The following SYNE1 variants were observed in gnomAD, a reference collection of about 807,000 sequenced individuals.
SYNE1 encodes spectrin repeat containing nuclear envelope protein 1.
Under a neutral mutation model 1,111.0 loss-of-function variants are expected in SYNE1, and 616 were observed. That is an observed-to-expected ratio of 0.55 (90% CI 0.52 to 0.59). The LOEUF (loss-of-function observed/expected upper bound fraction) is 0.59, where lower values mean the gene tolerates loss of function less well. SYNE1 is among the 20% of genes least tolerant of loss of function. The pLI, the probability that SYNE1 is intolerant of heterozygous loss-of-function variation, is 0.00. For synonymous variants in SYNE1, 3,855 were observed against 3,825.8 expected (o/e 1.01, Z -0.28); for missense variants, 10,006 against 10,417.0 (o/e 0.96, Z 1.72).
At chr6:152,168,215 C>T (rs953943355) in intron 130 of SYNE1, 8 of 759,424 alleles carry the variant, frequency 1.1e-5, no homozygotes, top group Non-Finnish European at 1.9e-5. Flanking sequence ...GAAGCTTCCA[C>T]TTGCAAAAGT....
chr6:152,550,151 T>G (rs2099333353), intron 3 of SYNE1, among the ~76,000 whole-genome samples: 1 of 152,196 alleles, frequency 6.6e-6, no homozygotes, highest in South Asian at 2.1e-4. Flanking sequence ...ATAGTAAATC[T>G]AAGACTTTTG....
chr6:152,362,944 G>T (rs771164987), intron 63 of SYNE1, among the ~76,000 whole-genome samples: 2 of 151,298 alleles, frequency 1.3e-5, no homozygotes, highest in Middle Eastern at 3.4e-3. Context: ...GCAGTGGCGC[G>T]ATCTCGGCTC....
At chr6:152,609,669 C>CA (rs2099625778) in intron 3 of SYNE1, among the ~76,000 whole-genome samples, 1 of 152,130 alleles carries the variant, frequency 6.6e-6, no homozygotes, top group Non-Finnish European at 1.5e-5. Flanking sequence ...ACTGTCTCCT[C>CA]AAGTGGGTCC....
At chr6:152,347,013 C>T in intron 73 of SYNE1, 46 bp downstream of exon 73, 1 of 1,609,382 alleles carries the variant, frequency 6.2e-7, no homozygotes, top group South Asian at 1.1e-5. Flanking sequence ...TGCACAGCCT[C>T]TCCCCATAAT....
chr6:152,370,756 G>A (rs2097165907), intron 59 of SYNE1, among the ~76,000 whole-genome samples: 6 of 152,168 alleles, frequency 3.9e-5, no homozygotes, highest in Admixed American at 3.9e-4. Context: ...AGTACATAAA[G>A]GTTAGCTGAA....
chr6:152,309,384 C>T (rs1358723523), intron 90 of SYNE1, among the ~76,000 whole-genome samples: 1 of 152,052 alleles, frequency 6.6e-6, no homozygotes, highest in Non-Finnish European at 1.5e-5. Context: ...TTTTCTCTTA[C>T]TAGGCAAAGA....
chr6:152,570,609 T>A (rs1260363421), intron 3 of SYNE1, among the ~76,000 whole-genome samples: 1 of 152,198 alleles, frequency 6.6e-6, no homozygotes, highest in Non-Finnish European at 1.5e-5. Flanking sequence ...GTTATTTTAG[T>A]CCTTCATCCC....
At chr6:152,559,394 G>C (rs1445549950) in intron 3 of SYNE1, among the ~76,000 whole-genome samples, 1 of 152,104 alleles carries the variant, frequency 6.6e-6, no homozygotes, top group Admixed American at 6.6e-5. Context: ...AGCTATTGCT[G>C]TCTGGCCTCT....
chr6:152,519,776 G>A (rs1268840771), intron 6 of SYNE1, among the ~76,000 whole-genome samples: 1 of 152,070 alleles, frequency 6.6e-6, no homozygotes, highest in African/African-American at 2.4e-5. Context: ...ACTATAAAGG[G>A]AAAAACAGTG....
intron 39 of SYNE1, among the ~76,000 whole-genome samples, chr6:152,421,139 G>A (rs2098252919): frequency 6.6e-6 from 1 of 152,136 alleles, no homozygotes; most frequent in Non-Finnish European, 1.5e-5. Context: ...TCTATGTGAT[G>A]CCTTTATAAA....
At chr6:152,402,637 G>C (rs2097839589) in intron 46 of SYNE1, 1 of 152,170 alleles carries the variant, frequency 6.6e-6, no homozygotes, top group Non-Finnish European at 1.5e-5. Flanking sequence ...CTGTTCTTCA[G>C]GTGGCACTGC....
chr6:152,343,588 G>C, intron 74 of SYNE1, among the ~76,000 whole-genome samples: 1 of 151,102 alleles, frequency 6.6e-6, no homozygotes, highest in East Asian at 2.0e-4. Context: ...GAGTGCAGTG[G>C]CATGATCTCG....
chr6:152,627,143 G>A (rs2099687330), intron 3 of SYNE1, among the ~76,000 whole-genome samples: 1 of 152,034 alleles, frequency 6.6e-6, no homozygotes, highest in South Asian at 2.1e-4. Flanking sequence ...TTGAAGGCTG[G>A]GCTTATGACA....
chr6:152,315,976 T>G (rs1458504100), intron 87 of SYNE1: 1 of 152,136 alleles, frequency 6.6e-6, no homozygotes, highest in Non-Finnish European at 1.5e-5. Context: ...ATAAATAATA[T>G]AAGAGACAAA....
rs1295747846 is a variant in SYNE1, at chr6:152,219,155, C to A, written c.21892G>T (p.Asp7298Tyr). 2 of 1,614,036 alleles carry A rather than the reference C, an allele frequency of 1.2e-6. No individual in the cohort carries two copies. Among genetic ancestry groups the A allele is most frequent in the East Asian group, 2.2e-5 (1 of 44,874 alleles). ...AGCTCATGGAGAAAAAAGAGGGAATCTTTAACTGTGCCCAGTCCTTTGAGG... is the reference window on the plus strand; with the variant it reads ...AGCTCATGGAGAAAAAAGAGGGAATATTTAACTGTGCCCAGTCCTTTGAGG... ...DLLKGLGTVK[D>Y]SLFFLHELGE... is the part of the protein sequence containing the mutation. Residue 7298 changes from aspartate to tyrosine, a missense_variant, in exon 120 of 146, where the codon GAT becomes TAT. Asp to Tyr is a radical substitution (Grantham distance 160). Coordinates refer to ENST00000367255, the MANE Select transcript of SYNE1 (RefSeq NM_182961.4).
chr6:152,303,931 T>G (rs1198081123), intron 91 of SYNE1, among the ~76,000 whole-genome samples: 2 of 151,606 alleles, frequency 1.3e-5, no homozygotes, highest in African/African-American at 4.9e-5. Flanking sequence ...ACACACATTT[T>G]GTTATTATTG....
intron 2 of SYNE1, among the ~76,000 whole-genome samples, chr6:152,635,369 T>C (rs1209400404): frequency 6.6e-6 from 1 of 152,216 alleles, no homozygotes; most frequent in African/African-American, 2.4e-5. Context: ...ATTAAGTTAG[T>C]ATAGATCTCT....
chr6:152,301,423 GTTC>G (rs2095161903), intron 92 of SYNE1, among the ~76,000 whole-genome samples: 2 of 152,170 alleles, frequency 1.3e-5, no homozygotes, highest in Admixed American at 6.5e-5. Context: ...AACAATAGCT[GTTC>G]TTCTAAATTG....
intron 51 of SYNE1, among the ~76,000 whole-genome samples, chr6:152,394,701 G>A (rs2097702908): frequency 6.6e-6 from 1 of 152,014 alleles, no homozygotes; most frequent in Admixed American, 6.6e-5. Context: ...TACAAGGATG[G>A]GTGGGTGGGA....
Sources: gnomAD v4.1 joint callset for allele counts (sites outside exome capture counted in the v4.1 genomes callset) on GRCh38, gnomAD v4.1.1 for gene constraint, MANE v1.5 for transcripts, NCBI Gene and HGNC (gene_info 2026-07-23, HGNC 2026-07-21) for gene names.